Variants in ZNF273 observed in about 807,000 individuals in gnomAD.
ZNF273 encodes the protein zinc finger protein 273, also known as zinc finger protein 9.
ZNF273 carries 11 observed loss-of-function variants against 14.9 expected under a neutral mutation model. The ratio of observed to expected loss-of-function variants is 0.74; its 90% CI spans 0.46 to 1.22. The LOEUF (loss-of-function observed/expected upper bound fraction) is 1.22, where lower values mean the gene tolerates loss of function less well. ZNF273 is among the 50% of genes most tolerant of loss of function. The pLI is 0.00. For missense variants in ZNF273, 577 were observed against 660.6 expected (o/e 0.87, Z 1.39); for synonymous variants, 199 against 223.9 (o/e 0.89, Z 0.99).
At chr7:64,921,712 G>T (rs550293000) in intron 3 of ZNF273, among the ~76,000 whole-genome samples, 1 of 130,192 alleles carries the variant, frequency 7.7e-6, no homozygotes, top group Non-Finnish European at 1.6e-5. Flanking sequence ...TGCAATCTCC[G>T]CCTCCCAGGT....
At chr7:64,891,776 C>G (rs979830795), downstream of ZNF273, among the ~76,000 whole-genome samples, 4 of 152,348 alleles carry the variant, frequency 2.6e-5, no homozygotes, top group East Asian at 5.8e-4. Context: ...CCCAGGTTCA[C>G]AGCTGATAAG....
intron 3 of ZNF273, among the ~76,000 whole-genome samples, chr7:64,921,063 T>C (rs574215063): frequency 6.7e-6 from 1 of 149,800 alleles, no homozygotes; most frequent in East Asian, 2.0e-4. Flanking sequence ...ATATTTATTT[T>C]TCTTTTTTTT....
intron 1 of ZNF273, chr7:64,888,295 T>C (rs762588138): frequency 1.5e-5 from 15 of 985,354 alleles, no homozygotes; most frequent in Non-Finnish European, 1.8e-5. Flanking sequence ...CTTCCTCCTG[T>C]GAGCTCCGTG....
At chr7:64,897,705 TTGA>T (rs1245570692) in exon 4 of ZNF273, 1 of 131,660 alleles carries the variant, frequency 7.6e-6, no homozygotes, top group Non-Finnish European at 1.6e-5. Flanking sequence ...GTTCATTTTG[TTGA>T]TTTCTTTTTT....
At chr7:64,892,759 G>C (rs1792113093), downstream of ZNF273, among the ~76,000 whole-genome samples, 1 of 152,152 alleles carries the variant, frequency 6.6e-6, no homozygotes, top group African/African-American at 2.4e-5. Context: ...AGATTGGTTG[G>C]ACCAGGTATG....
chr7:64,918,659 CAAAAAAAAAAAAAAAAA>C (rs1171857179), intron 3 of ZNF273, among the ~76,000 whole-genome samples: 3 of 80,042 alleles, frequency 3.7e-5, no homozygotes, highest in African/African-American at 5.0e-5. Context: ...GACTCCATCT[CAAAAAAAAAAAAAAAAA>C]AAAAAAAAAA....
At chr7:64,891,270 C>T (rs773620290), downstream of ZNF273, among the ~76,000 whole-genome samples, 1 of 152,218 alleles carries the variant, frequency 6.6e-6, no homozygotes, top group African/African-American at 2.4e-5. Flanking sequence ...GACAATGGCA[C>T]CTCTCTCCCA....
At chr7:64,932,410 G>A (rs114828675), downstream of ZNF273, among the ~76,000 whole-genome samples, 1,623 of 152,066 alleles carry the variant, frequency 0.011, 30 homozygotes, top group African/African-American at 0.035. Context: ...TCCTGGGTTT[G>A]ATTCTCCTGT....
intron 1 of ZNF273, among the ~76,000 whole-genome samples, chr7:64,887,281 A>T (rs1791646770): frequency 6.6e-6 from 1 of 151,872 alleles, no homozygotes; most frequent in African/African-American, 2.4e-5. Flanking sequence ...TACCAACTTA[A>T]CTCCTTCCAC....
chr7:64,882,191 A>C (rs1235870233), downstream of ZNF273, among the ~76,000 whole-genome samples: 1 of 151,962 alleles, frequency 6.6e-6, no homozygotes, highest in East Asian at 1.9e-4. Flanking sequence ...ACCCCTCAAC[A>C]ACTCACCAGA....
chr7:64,878,421 A>G (rs1248154545), exon 2 of ZNF273: 4 of 152,412 alleles, frequency 2.6e-5, no homozygotes, highest in African/African-American at 9.6e-5. Context: ...CCAGCAGAGC[A>G]GGAGCTTCAG....
intron 1 of ZNF273, chr7:64,888,228 A>C (rs1583959860): frequency 1.1e-6 from 1 of 889,140 alleles, no homozygotes; most frequent in African/African-American, 1.8e-5. Context: ...CTGCTGCCCC[A>C]CCCTCCAGCC....
intron 1 of ZNF273, among the ~76,000 whole-genome samples, chr7:64,912,816 A>T (rs1583991281): frequency 6.1e-5 from 2 of 32,848 alleles, no homozygotes; most frequent in Non-Finnish European, 1.6e-4. Context: ...TTGACTCAGG[A>T]TTCATTTTAG....
intron 2 of ZNF273, chr7:64,879,394 G>A (rs948516131): frequency 2.0e-5 from 3 of 152,186 alleles, no homozygotes; most frequent in African/African-American, 7.2e-5. Context: ...ATTTTCCTTT[G>A]CTTTTATGGA....
chr7:64,899,573 T>A (rs565134205), upstream of ZNF273, among the ~76,000 whole-genome samples: 3 of 151,558 alleles, frequency 2.0e-5, no homozygotes, highest in East Asian at 5.9e-4. Context: ...GAGAATCACT[T>A]GAAACTGGGA....
At position 64,929,265 on chromosome 7, in the gene ZNF273, C is replaced by A; in HGVS notation, c.*227C>A. The A allele has an allele frequency of 5.8e-6, 2 of 342,390 alleles. No individual in the cohort carries two copies. The highest frequency in any genetic ancestry group is 4.9e-5 in the East Asian group (1 of 20,218). The allele number at this position is 342,390 out of a possible 1,614,324, so 21.2% of individuals were successfully genotyped here. On this transcript the variant is annotated 3_prime_UTR_variant, in exon 4 of 4. Transcript: ENST00000476120. ...AAAGCATTATCAATGAAATTACTGT[C>A]AAAAGATCTTTCAGACAATATAAGC...
chr7:64,933,121 GC>G (rs1448833061), downstream of ZNF273, among the ~76,000 whole-genome samples: 1 of 152,050 alleles, frequency 6.6e-6, no homozygotes, highest in Non-Finnish European at 1.5e-5. Context: ...ACAGGCACCT[GC>G]CACCACGCCT....
intron 3 of ZNF273, among the ~76,000 whole-genome samples, chr7:64,925,917 A>G (rs771473895): frequency 4.7e-4 from 67 of 142,760 alleles, no homozygotes; most frequent in Admixed American, 1.4e-4. Flanking sequence ...GCTAAGGAAT[A>G]GTATTTTTGT....
At chr7:64,934,470 A>G (rs897865286), downstream of ZNF273, among the ~76,000 whole-genome samples, 4 of 152,196 alleles carry the variant, frequency 2.6e-5, no homozygotes, top group African/African-American at 9.6e-5. Context: ...CATTTAAGTA[A>G]TTAAACTATT....
Sources: gnomAD v4.1 joint callset for allele counts (sites outside exome capture counted in the v4.1 genomes callset) on GRCh38, gnomAD v4.1.1 for gene constraint, MANE v1.5 for transcripts, NCBI Gene and HGNC (gene_info 2026-07-23, HGNC 2026-07-21) for gene names.